Variants in SETD1B observed in about 807,000 individuals in gnomAD.
SETD1B encodes SET domain containing 1B, histone lysine methyltransferase.
A neutral mutation model predicts 148.0 loss-of-function variants in SETD1B; 7 were observed. That is an observed-to-expected ratio of 0.05 (90% CI 0.03 to 0.09). SETD1B has a LOEUF of 0.09. Ranked by LOEUF, SETD1B falls within the 10% of genes least tolerant of loss-of-function variation. The pLI is 1.00. For synonymous variants in SETD1B, 1,361 were observed against 1,186.5 expected, an observed-to-expected ratio of 1.15 and a Z score of -3.02; for missense variants, 2,155 against 2,729.9, an observed-to-expected ratio of 0.79 and a Z score of 4.69.
chr12:121,796,741 G>C, the SETD1B span, among the ~76,000 whole-genome samples: 1 of 152,210 alleles, frequency 6.6e-6, no homozygotes, highest in African/African-American at 2.4e-5. Context: ...CTCAGCAACA[G>C]CTCAAAACAT....
intron 11 of SETD1B, 30 bp from the exon 12 acceptor site, chr12:121,822,460 A>G: frequency 1.3e-6 from 2 of 1,504,780 alleles, no homozygotes; most frequent in Non-Finnish European, 1.8e-6. Flanking sequence ...TTGAATAGTA[A>G]ATGTCTCGTG....
chr12:121,792,897 G>C, the SETD1B span, among the ~76,000 whole-genome samples: 49 of 152,238 alleles, frequency 3.2e-4, no homozygotes, highest in African/African-American at 1.2e-3. Flanking sequence ...GGAGAGGAAC[G>C]AGCTGTGGGC....
At chr12:121,820,603 G>A (rs982333349) in intron 11 of SETD1B, among the ~76,000 whole-genome samples, 1 of 151,952 alleles carries the variant, frequency 6.6e-6, no homozygotes, top group Non-Finnish European at 1.5e-5. Flanking sequence ...GCACGATCTC[G>A]GCTCACCGCA....
In SETD1B at chr12:121,817,810, T is replaced by C. The variant is rs1387892192; in HGVS notation, c.3324T>C (p.Asp1108=). 5 of 1,550,164 alleles carry C rather than the reference T, an allele frequency of 3.2e-6. No homozygotes were observed. Among genetic ancestry groups the C allele is most frequent in the Non-Finnish European group, 4.4e-6 (5 of 1,146,288 alleles). Residue 1108 remains aspartate (D), a synonymous_variant, in exon 10 of 17, where the codon GAT becomes GAC. Transcript: ENST00000604567. This position sits in a 1 kb window ranked among gnomAD's most constrained non-coding sequence, Gnocchi z 8.1. ...TSSTSDKDDD[D]DDSDDRDESE... is the part of the protein sequence containing the mutation. Reference sequence around the variant, plus strand: ...TCCTTCTCCCCCAGGATGACGACGATGACGACAGTGATGACCGGGACGAGT... The same window carrying C: ...TCCTTCTCCCCCAGGATGACGACGACGACGACAGTGATGACCGGGACGAGT...
intron 11 of SETD1B, among the ~76,000 whole-genome samples, chr12:121,821,447 A>AG (rs1876563063): frequency 6.6e-6 from 1 of 151,234 alleles, no homozygotes; most frequent in Non-Finnish European, 1.5e-5. Context: ...AAAAAAAAAA[A>AG]AAAAGAAAGA....
At chr12:121,792,592 C>G in the SETD1B span, among the ~76,000 whole-genome samples, 1 of 152,226 alleles carries the variant, frequency 6.6e-6, no homozygotes, top group Non-Finnish European at 1.5e-5. Context: ...CACGCAATTC[C>G]AGAACCACCA....
intron 11 of SETD1B, among the ~76,000 whole-genome samples, chr12:121,821,082 T>G (rs1876545440): frequency 1.3e-5 from 2 of 152,206 alleles, no homozygotes; most frequent in South Asian, 4.1e-4. Context: ...CTGTGTGTAT[T>G]GAGGGACGAC....
In SETD1B at chr12:121,808,257, C is replaced by A; in HGVS notation, c.594C>A (p.Thr198=). The A allele has an allele frequency of 2.6e-6, 4 of 1,550,904 alleles. No homozygotes were observed. The highest frequency in any genetic ancestry group is 1.2e-5 in the South Asian group (1 of 83,998). The change falls in exon 5 of 17, where the codon ACC becomes ACA. Residue 198 remains threonine, a synonymous_variant. Coordinates refer to ENST00000604567, the MANE Select transcript of SETD1B (RefSeq NM_001353345.2). The surrounding 1 kb of genome is among the most constrained non-coding windows in gnomAD (Gnocchi z 5.3). ...FYELLVTGRY[T]PQTLPVGELD... ...AACTGTTGGTCACTGGCCGATACAC[C>A]CCCCAGACCCTCCCAGTGGGCGAGC... is the stretch of plus-strand genomic sequence containing the variant.
At chr12:121,790,193 G>A in the SETD1B span, among the ~76,000 whole-genome samples, 4 of 152,248 alleles carry the variant, frequency 2.6e-5, no homozygotes, top group East Asian at 1.9e-4. Flanking sequence ...GGCAGCGTCC[G>A]GCCCCTGCCC....
At chr12:121,826,924 G>C (rs1876869467) in intron 13 of SETD1B, among the ~76,000 whole-genome samples, 1 of 151,976 alleles carries the variant, frequency 6.6e-6, no homozygotes, top group Admixed American at 6.5e-5. Flanking sequence ...CCACGAGGCA[G>C]CTTGAGTTCT....
At position 121,817,435 on chromosome 12, in the gene SETD1B, A is replaced by C; in HGVS notation, c.3043A>C (p.Lys1015Gln). The C allele has an allele frequency of 6.5e-7, 1 of 1,544,628 alleles. No individual in the cohort carries two copies. Among genetic ancestry groups the C allele is most frequent in the Non-Finnish European group, 8.8e-7 (1 of 1,142,052 alleles). Residue 1015 changes from lysine to glutamine, a missense_variant, in exon 9 of 17, where the codon AAG becomes CAG. By Grantham distance (53) the Lys-to-Gln change is moderately conservative. Around this residue, in one of 11 missense-constraint regions of SETD1B, gnomAD observed 289 missense variants for 423.7 expected, o/e 0.68. Coordinates refer to ENST00000604567, the MANE Select transcript of SETD1B (RefSeq NM_001353345.2). The surrounding 1 kb of genome is among the most constrained non-coding windows in gnomAD (Gnocchi z 8.1). ...CTGTGAGCTCGCCAAGCGGGACCCC[A>C]AGGGCGTGGGTGTGCGGCGGCGGCC... Reference protein sequence around the residue: ...TPCELAKRDPKGVGVRRRPAR... With the variant: ...TPCELAKRDPQGVGVRRRPAR...
At chr12:121,829,748 G>A (rs576242714) in intron 16 of SETD1B, among the ~76,000 whole-genome samples, 61 of 152,348 alleles carry the variant, frequency 4.0e-4, no homozygotes, top group Non-Finnish European at 6.9e-4. Flanking sequence ...CAGGCTGCTA[G>A]GGGCTATAGT....
chr12:121,817,585 T>A lies in SETD1B; in HGVS notation c.3193T>A (p.Ser1065Thr). 6.4e-7 allele frequency: 1 copy of A among 1,551,280 alleles called. No individual in the cohort carries two copies. Among genetic ancestry groups the A allele is most frequent in the Non-Finnish European group, 8.7e-7 (1 of 1,146,696 alleles). ...SSTTSPSSSASDKEEEQESTE... is the reference protein window; with the variant it reads ...SSTTSPSSSATDKEEEQESTE... ...AACCACCTCACCCTCGTCCTCGGCC[T>A]CCGACAAGGAGGAGGAACAGGAGAG... Residue 1065 changes from serine (S) to threonine (T), a missense_variant, in exon 9 of 17, where the codon TCC becomes ACC. By Grantham distance (58) the Ser-to-Thr change is moderately conservative. Coordinates refer to ENST00000604567, the MANE Select transcript of SETD1B (RefSeq NM_001353345.2). The surrounding 1 kb of genome is among the most constrained non-coding windows in gnomAD (Gnocchi z 8.1).
intron 4 of SETD1B, among the ~76,000 whole-genome samples, 155 bp downstream of exon 4, chr12:121,806,260 G>C (rs1210103065): frequency 1.3e-5 from 2 of 150,960 alleles, no homozygotes; most frequent in Non-Finnish European, 2.9e-5. Context: ...GTAGAGTCGC[G>C]TGGAGCTAAA....
Position 121,823,041 on chromosome 12 carries a change from G to A in SETD1B, c.4462G>A (p.Ala1488Thr), listed in dbSNP as rs144871159. Residue 1488 changes from alanine (A) to threonine (T), a missense_variant, in exon 12 of 17, where the codon GCC becomes ACC. Ala to Thr is a moderately conservative substitution (Grantham distance 58). Around this residue, in one of 11 missense-constraint regions of SETD1B, gnomAD observed 862 missense variants for 873.8 expected, o/e 0.99. Coordinates refer to ENST00000604567, the MANE Select transcript of SETD1B (RefSeq NM_001353345.2). ...CCTGCCCTTGCCCTTGGCATTGCCC[G>A]CCGTCTTGCGGGCCCAGGCTCGTGC... Reference protein sequence around the residue: ...LPLPLPLALPAVLRAQARAPT... With the variant: ...LPLPLPLALPTVLRAQARAPT... 0.017 allele frequency: 25,591 copies of A among 1,494,390 alleles called. 268 individuals are homozygous for A. Among genetic ancestry groups the A allele is most frequent in the Non-Finnish European group, 0.02 (21,918 of 1,121,006 alleles). 92.6% of individuals were successfully genotyped at this position (1,494,390 alleles called of 1,614,324 possible). A position where few individuals can be genotyped will look rare whatever the true frequency, so the allele number is the denominator to read the frequency against.
At chr12:121,799,109 AGTGAGCCCCCCTTCCG>A (rs2137525181), upstream of SETD1B, 1 of 152,310 alleles carries the variant, frequency 6.6e-6, no homozygotes, top group Non-Finnish European at 1.5e-5. Flanking sequence ...GTCCATTTTC[AGTGAGCCCCCCTTCCG>A]GTGTGATTCT....
In SETD1B at chr12:121,808,263, G is replaced by C; in HGVS notation, c.600G>C (p.Gln200His). The change falls in exon 5 of 17, where the codon CAG (glutamine) becomes CAC (histidine). Residue 200 changes from glutamine (Q) to histidine (H), a missense_variant. By Grantham distance (24) the Gln-to-His change is conservative (BLOSUM62 0). This residue lies in a region of SETD1B where 124 missense variants were observed against 282.9 expected (regional missense o/e 0.44). Coordinates refer to ENST00000604567, the MANE Select transcript of SETD1B (RefSeq NM_001353345.2). The surrounding 1 kb of genome is among the most constrained non-coding windows in gnomAD (Gnocchi z 5.3). ...ELLVTGRYTP[Q>H]TLPVGELDAV... ...TGGTCACTGGCCGATACACCCCCCA[G>C]ACCCTCCCAGTGGGCGAGCTGGACG... 3 of 1,550,200 alleles carry C rather than the reference G, an allele frequency of 1.9e-6. No homozygotes were observed. Among genetic ancestry groups the C allele is most frequent in the Non-Finnish European group, 2.6e-6 (3 of 1,146,430 alleles).
chr12:121,798,397 C>CG, the SETD1B span, among the ~76,000 whole-genome samples: 3,066 of 152,318 alleles, frequency 0.02, 88 homozygotes, highest in African/African-American at 0.069. Flanking sequence ...TGGGCTGGTG[C>CG]GGGGGGAAGC....
Position 121,817,689 on chromosome 12 carries a change from A to G in SETD1B, c.3297A>G (p.Ser1099=), listed in dbSNP as rs757269676. ...PRSQLSSSST[S]STSDKDDDDD... The stretch of plus-strand genomic sequence containing the variant: ...GCCAGCTCTCCTCCTCCTCAACCTC[A>G]TCCACATCAGATAAGGTGCCTAGCA... Residue 1099 remains serine, a synonymous_variant, in exon 9 of 17, where the codon TCA becomes TCG. Transcript: ENST00000604567. This position sits in a 1 kb window ranked among gnomAD's most constrained non-coding sequence, Gnocchi z 8.1. 1.7e-5 allele frequency: 27 copies of G among 1,548,500 alleles called. No homozygotes were observed. The highest frequency in any genetic ancestry group is 1.7e-4 in the Middle Eastern group (1 of 6,010).
Sources: allele counts gnomAD v4.1 joint callset (sites outside exome capture counted in the v4.1 genomes callset), GRCh38; gene constraint gnomAD v4.1.1; regional missense constraint gnomAD v4.1.1; non-coding constraint Gnocchi (gnomAD v3.1); transcripts MANE v1.5; gene names NCBI Gene and HGNC (gene_info 2026-07-23, HGNC 2026-07-21).